The following SLC1A1 variants were observed in gnomAD, a reference collection of about 807,000 sequenced individuals.
The protein encoded by SLC1A1 is excitatory amino acid transporter 3.
SLC1A1 carries 43 observed loss-of-function variants against 53.3 expected under a neutral mutation model. The ratio of observed to expected loss-of-function variants is 0.81; its 90% CI spans 0.63 to 1.04. SLC1A1 has a LOEUF of 1.04. SLC1A1 is among the 50% of genes least tolerant of loss of function. The pLI, the probability that SLC1A1 is intolerant of heterozygous loss-of-function variation, is 0.00. For synonymous variants in SLC1A1, 307 were observed against 243.2 expected, an observed-to-expected ratio of 1.26 and a Z score of -2.44; for missense variants, 748 against 664.9, an observed-to-expected ratio of 1.12 and a Z score of -1.37.
chr9:4,495,745 G>A (rs1313692854), intron 1 of SLC1A1, among the ~76,000 whole-genome samples: 1 of 151,768 alleles, frequency 6.6e-6, no homozygotes, highest in East Asian at 1.9e-4. Context: ...CAGGAAAGGG[G>A]AAATGGGTGC....
intron 10 of SLC1A1, among the ~76,000 whole-genome samples, chr9:4,577,893 C>T (rs112360833): frequency 5.3e-5 from 8 of 152,146 alleles, no homozygotes; most frequent in African/African-American, 1.9e-4. Context: ...TATTAGAAGG[C>T]ACTGACACTG....
At chr9:4,564,064 G>T (rs542407024) in intron 3 of SLC1A1, among the ~76,000 whole-genome samples, 1 of 151,370 alleles carries the variant, frequency 6.6e-6, no homozygotes, top group African/African-American at 2.4e-5. Flanking sequence ...AAGCAATTCT[G>T]GGATGCAGCC....
At chr9:4,495,422 G>C (rs1414701140) in intron 1 of SLC1A1, among the ~76,000 whole-genome samples, 1 of 152,116 alleles carries the variant, frequency 6.6e-6, no homozygotes, top group Non-Finnish European at 1.5e-5. Context: ...ACCATAAATA[G>C]AATACATAGG....
At chr9:4,508,883 G>T (rs183891419) in intron 1 of SLC1A1, among the ~76,000 whole-genome samples, 1 of 152,144 alleles carries the variant, frequency 6.6e-6, no homozygotes, top group Admixed American at 6.6e-5. Flanking sequence ...ATGCCGGGGC[G>T]GTGGGGTACA....
At chr9:4,505,689 C>T (rs73399922) in intron 1 of SLC1A1, among the ~76,000 whole-genome samples, 2,006 of 152,264 alleles carry the variant, frequency 0.013, 57 homozygotes, top group African/African-American at 0.045. Context: ...AGGTGTCTCA[C>T]ACTGTTACCC....
chr9:4,585,673 T>C lies in SLC1A1; in HGVS notation c.*115T>C. 4.7e-6 allele frequency: 6 copies of C among 1,282,474 alleles called. No individual in the cohort carries two copies. In the South Asian group the frequency reaches 6.1e-5, roughly 13 times the overall value. The allele number at this position is 1,282,474 out of a possible 1,614,324, so 79.4% of individuals were successfully genotyped here. On this transcript the variant is annotated 3_prime_UTR_variant, in exon 12 of 12. Transcript: ENST00000262352. ...GGCCAAGTGTACATTTGATTTGATA[T>C]ACAGACCTCCAGATTATTTTCTATA... is the stretch of plus-strand genomic sequence containing the variant.
At chr9:4,544,013 G>GA (rs1265118434) in intron 1 of SLC1A1, among the ~76,000 whole-genome samples, 2 of 151,864 alleles carry the variant, frequency 1.3e-5, no homozygotes, top group Non-Finnish European at 2.9e-5. Context: ...ACCCTCTCAA[G>GA]AAAAAAATAC....
At chr9:4,527,860 A>G (rs1427660707) in intron 1 of SLC1A1, among the ~76,000 whole-genome samples, 1 of 152,112 alleles carries the variant, frequency 6.6e-6, no homozygotes, top group Non-Finnish European at 1.5e-5. Context: ...TGGCATCTCA[A>G]CTTGAACTTT....
chr9:4,494,664 A>G (rs1441381362), intron 1 of SLC1A1, among the ~76,000 whole-genome samples: 1 of 151,060 alleles, frequency 6.6e-6, no homozygotes, highest in East Asian at 1.9e-4. Flanking sequence ...TAATTTATAT[A>G]AATATAATTT....
intron 1 of SLC1A1, among the ~76,000 whole-genome samples, chr9:4,496,786 A>G (rs1187260854): frequency 6.6e-6 from 1 of 151,960 alleles, no homozygotes; most frequent in Non-Finnish European, 1.5e-5. Context: ...GGCCCCAACT[A>G]CTCAAGAGGC....
chr9:4,573,892 G>A lies in SLC1A1; in HGVS notation c.768-15G>A, dbSNP rs375237949. On this transcript the variant is annotated splice_polypyrimidine_tract_variant and intron_variant, in intron 7 of 11. Transcript: ENST00000262352. Reference sequence around the variant, plus strand: ...TTGATGACGGAATCACGCCTCTGTTGTGCTTCCTTTCCAGTTATATGCCAC... The same window carrying A: ...TTGATGACGGAATCACGCCTCTGTTATGCTTCCTTTCCAGTTATATGCCAC... 4.9e-5 allele frequency: 76 copies of A among 1,552,852 alleles called. No homozygotes were observed. Among genetic ancestry groups the A allele is most frequent in the Non-Finnish European group, 6.5e-5 (73 of 1,124,272 alleles).
At chr9:4,525,858 A>T (rs1816239878) in intron 1 of SLC1A1, among the ~76,000 whole-genome samples, 3 of 152,316 alleles carry the variant, frequency 2.0e-5, no homozygotes, top group East Asian at 3.9e-4. Context: ...ACTGAAACTC[A>T]TATTTTTTCA....
chr9:4,553,491 C>G (rs920015699), intron 2 of SLC1A1: 1 of 152,428 alleles, frequency 6.6e-6, no homozygotes, highest in Non-Finnish European at 1.5e-5. Flanking sequence ...CTCAGCCTCC[C>G]AAGTAGCTGG....
intron 6 of SLC1A1, among the ~76,000 whole-genome samples, chr9:4,571,685 T>A (rs974873340): frequency 3.6e-4 from 55 of 150,858 alleles, no homozygotes; most frequent in Non-Finnish European, 6.4e-4. Flanking sequence ...TCAGAAAAAA[T>A]AAATAAATAA....
At chr9:4,493,766 A>T (rs1203609584) in intron 1 of SLC1A1, among the ~76,000 whole-genome samples, 1 of 152,242 alleles carries the variant, frequency 6.6e-6, no homozygotes, top group African/African-American at 2.4e-5. Context: ...ATGCAATGAA[A>T]TGTTCAGTCA....
At chr9:4,516,000 A>G (rs1347256876) in intron 1 of SLC1A1, among the ~76,000 whole-genome samples, 1 of 152,178 alleles carries the variant, frequency 6.6e-6, no homozygotes, top group Admixed American at 6.5e-5. Flanking sequence ...ACCACTTCAA[A>G]ATGTCCTTTT....
At chr9:4,568,115 T>C (rs921122433) in intron 6 of SLC1A1, among the ~76,000 whole-genome samples, 6 of 152,132 alleles carry the variant, frequency 3.9e-5, no homozygotes, top group African/African-American at 9.7e-5. Flanking sequence ...TTCTTGCTGA[T>C]TTCGCTGTTT....
intron 2 of SLC1A1, among the ~76,000 whole-genome samples, chr9:4,555,319 T>A (rs1818273904): frequency 6.6e-6 from 1 of 152,192 alleles, no homozygotes; most frequent in Non-Finnish European, 1.5e-5. Flanking sequence ...GGGGTTGAAT[T>A]TTGATACCTT....
chr9:4,504,685 A>G (rs1297853651), intron 1 of SLC1A1, among the ~76,000 whole-genome samples: 3 of 152,178 alleles, frequency 2.0e-5, no homozygotes, highest in African/African-American at 7.2e-5. Context: ...GAGCACTGTG[A>G]TTGGGTTTGA....
Sources: gnomAD v4.1 joint callset for allele counts (sites outside exome capture counted in the v4.1 genomes callset) on GRCh38, gnomAD v4.1.1 for gene constraint, MANE v1.5 for transcripts, NCBI Gene and HGNC (gene_info 2026-07-23, HGNC 2026-07-21) for gene names.